The following ST8SIA4 variants were observed in gnomAD, a reference collection of about 807,000 sequenced individuals.
ST8SIA4 encodes the protein ST8 alpha-N-acetyl-neuraminide alpha-2,8-sialyltransferase 4.
ST8SIA4 carries 15 observed loss-of-function variants against 33.9 expected under a neutral mutation model. The ratio of observed to expected loss-of-function variants is 0.44; its 90% CI spans 0.30 to 0.68. ST8SIA4 has a LOEUF of 0.68. ST8SIA4 is among the 30% of genes least tolerant of loss of function. The pLI is 0.10. For synonymous variants in ST8SIA4, 171 were observed against 151.2 expected, an observed-to-expected ratio of 1.13 and a Z score of -0.96; for missense variants, 321 against 428.0, an observed-to-expected ratio of 0.75 and a Z score of 2.21.
chr5:100,856,050 G>A (rs1015806415), intron 4 of ST8SIA4, 53 bp downstream of exon 4: 27 of 1,514,958 alleles, frequency 1.8e-5, no homozygotes, highest in Non-Finnish European at 2.3e-5. Flanking sequence ...AAAATGTTTA[G>A]TTATATGTGT....
chr5:100,871,372 T>C (rs980950248), intron 3 of ST8SIA4, among the ~76,000 whole-genome samples: 13 of 152,080 alleles, frequency 8.5e-5, no homozygotes, highest in Non-Finnish European at 1.6e-4. Context: ...GAATATAGAT[T>C]ATCATTAAAT....
chr5:100,879,840 G>A (rs1485732358), intron 3 of ST8SIA4, among the ~76,000 whole-genome samples: 1 of 152,134 alleles, frequency 6.6e-6, no homozygotes, highest in Non-Finnish European at 1.5e-5. Flanking sequence ...GAGTAAGACA[G>A]CTTCTGCATT....
intron 4 of ST8SIA4, among the ~76,000 whole-genome samples, chr5:100,825,827 G>C (rs1561385973): frequency 6.6e-6 from 1 of 152,156 alleles, no homozygotes; most frequent in Non-Finnish European, 1.5e-5. Context: ...GTAGCTTGTA[G>C]AGAGATTATT....
intron 4 of ST8SIA4, among the ~76,000 whole-genome samples, chr5:100,820,008 T>C: frequency 6.6e-6 from 1 of 152,176 alleles, no homozygotes; most frequent in East Asian, 1.9e-4. Context: ...TGCTAATCCC[T>C]GAGTTACAAT....
At chr5:100,817,161 G>A (rs1580447036) in intron 4 of ST8SIA4, among the ~76,000 whole-genome samples, 1 of 108,144 alleles carries the variant, frequency 9.2e-6, no homozygotes, top group South Asian at 3.0e-4. Context: ...TAGAGACTGG[G>A]TTTCACCATG....
intron 4 of ST8SIA4, among the ~76,000 whole-genome samples, chr5:100,854,326 G>T (rs1230041547): frequency 1.3e-5 from 2 of 152,052 alleles, no homozygotes; most frequent in Non-Finnish European, 1.5e-5. Context: ...GCTCATGCAT[G>T]TAATTCCAGC....
chr5:100,862,854 G>A (rs1011194854), intron 3 of ST8SIA4, among the ~76,000 whole-genome samples: 2 of 152,164 alleles, frequency 1.3e-5, no homozygotes, highest in Admixed American at 6.5e-5. Context: ...TTGTCCAAGA[G>A]TACATAGTTT....
At chr5:100,846,510 A>AGG (rs1163660684) in intron 4 of ST8SIA4, among the ~76,000 whole-genome samples, 1 of 152,068 alleles carries the variant, frequency 6.6e-6, no homozygotes, top group Non-Finnish European at 1.5e-5. Flanking sequence ...ATGTTCCAAA[A>AGG]GGGAAATACA....
At chr5:100,826,956 G>GTA (rs1389265251) in intron 4 of ST8SIA4, among the ~76,000 whole-genome samples, 1 of 132,730 alleles carries the variant, frequency 7.5e-6, no homozygotes, top group African/African-American at 2.7e-5. Context: ...ATATGTGTGT[G>GTA]TATATACACA....
chr5:100,838,867 G>T (rs1256000821), intron 4 of ST8SIA4, among the ~76,000 whole-genome samples: 1 of 151,774 alleles, frequency 6.6e-6, no homozygotes, highest in Non-Finnish European at 1.5e-5. Flanking sequence ...ATTGCTACTG[G>T]GTAATTTCAG....
intron 3 of ST8SIA4, among the ~76,000 whole-genome samples, chr5:100,863,438 C>G (rs944733167): frequency 2.0e-5 from 3 of 152,134 alleles, no homozygotes; most frequent in Non-Finnish European, 4.4e-5. Flanking sequence ...TACAATAAAA[C>G]CAGTGGCCCA....
intron 4 of ST8SIA4, among the ~76,000 whole-genome samples, chr5:100,830,657 G>A (rs1438620506): frequency 6.6e-6 from 1 of 152,158 alleles, no homozygotes; most frequent in East Asian, 1.9e-4. Flanking sequence ...AACTTCATGA[G>A]TTCAGGCAAG....
At chr5:100,887,281 C>G (rs961447983) in intron 2 of ST8SIA4, among the ~76,000 whole-genome samples, 1 of 151,936 alleles carries the variant, frequency 6.6e-6, no homozygotes, top group Non-Finnish European at 1.5e-5. Context: ...CCTTAGTTTC[C>G]TTTTTTCTCT....
At position 100,903,099 on chromosome 5, in the gene ST8SIA4, T is replaced by TG. The variant is rs1293415135; in HGVS notation, c.-145dup. ...AGCCGGGATCCCGGGATCAGATCAC[T>TG]GGGGTCTTCTGTGGCCGAGCTCCCT... On this transcript the variant is annotated 5_prime_UTR_variant, in exon 1 of 5. An upstream open reading frame in the 5' UTR loses its in-frame stop. Coordinates refer to ENST00000231461, the MANE Select transcript of ST8SIA4 (RefSeq NM_005668.6). 22 of 622,066 alleles carry TG rather than the reference T, an allele frequency of 3.5e-5. No homozygotes were observed. Among genetic ancestry groups the TG allele is most frequent in the Non-Finnish European group, 5.4e-5 (19 of 353,574 alleles). 38.5% of individuals were successfully genotyped at this position (622,066 alleles called of 1,614,324 possible). A position where few individuals can be genotyped will look rare whatever the true frequency, so the allele number is the denominator to read the frequency against.
intron 1 of ST8SIA4, among the ~76,000 whole-genome samples, chr5:100,901,871 C>A (rs1011296717): frequency 1.3e-5 from 2 of 152,102 alleles, no homozygotes; most frequent in Non-Finnish European, 2.9e-5. Context: ...CACACACATA[C>A]ACACACACGC....
At chr5:100,840,160 G>T (rs1329691350) in intron 4 of ST8SIA4, among the ~76,000 whole-genome samples, 2 of 151,748 alleles carry the variant, frequency 1.3e-5, no homozygotes, top group Non-Finnish European at 2.9e-5. Context: ...ATTTTCAAAT[G>T]TGTTTAGATT....
chr5:100,854,928 T>C (rs530226664), intron 4 of ST8SIA4, among the ~76,000 whole-genome samples: 5 of 152,342 alleles, frequency 3.3e-5, no homozygotes, highest in Admixed American at 6.5e-5. Flanking sequence ...AATTGGTTTT[T>C]GTGCCTCTGG....
At chr5:100,885,134 G>A (rs1752509174) in intron 3 of ST8SIA4, among the ~76,000 whole-genome samples, 1 of 151,838 alleles carries the variant, frequency 6.6e-6, no homozygotes. Flanking sequence ...CACTTCCATT[G>A]CCATTCCCTC....
chr5:100,813,032 T>A (rs1750845993), intron 4 of ST8SIA4, among the ~76,000 whole-genome samples: 1 of 152,106 alleles, frequency 6.6e-6, no homozygotes, highest in Non-Finnish European at 1.5e-5. Flanking sequence ...TATTTTGTTT[T>A]TCTATCGTCT....
Sources: allele counts gnomAD v4.1 joint callset (sites outside exome capture counted in the v4.1 genomes callset), GRCh38; gene constraint gnomAD v4.1.1; transcripts MANE v1.5; gene names NCBI Gene and HGNC (gene_info 2026-07-23, HGNC 2026-07-21).